VAV2: variants seen among roughly 807,000 people sequenced by gnomAD.
The protein encoded by VAV2 is guanine nucleotide exchange factor VAV2.
In VAV2, 67 loss-of-function variants were observed where a neutral mutation model predicts 132.5. The ratio of observed to expected loss-of-function variants is 0.51; its 90% CI spans 0.42 to 0.62. The LOEUF is 0.62. Among genes scored for constraint, VAV2 ranks in the 20% least tolerant of loss-of-function variants. The pLI is 0.00. For missense variants in VAV2, 938 were observed against 1,153.6 expected, an observed-to-expected ratio of 0.81 and a Z score of 2.71; for synonymous variants, 492 against 443.5, an observed-to-expected ratio of 1.11 and a Z score of -1.37.
rs981388724 is a variant in VAV2 at position 133,879,971 on chromosome 9, G to C, written c.322-18539C>G. Among the ~76,000 whole-genome samples the C allele has an allele frequency of 2.6e-5, 4 of 152,240 alleles. No individual in the cohort carries two copies. Among genetic ancestry groups the C allele is most frequent in the African/African-American group, 7.2e-5 (3 of 41,476 alleles). The stretch of plus-strand genomic sequence containing the variant: ...TATGGATTTTTCTTTTCCTGTCTAA[G>C]GGTAGGATTCAAAAATGCACTTTTC... On this transcript the variant is annotated intron_variant, in intron 2 of 29. Transcript: ENST00000371850. The surrounding 1 kb of genome is among the most constrained non-coding windows in gnomAD (Gnocchi z 4.4).
At chr9:133,766,488 C>T (rs1186578811) in intron 29 of VAV2, among the ~76,000 whole-genome samples, 1 of 152,078 alleles carries the variant, frequency 6.6e-6, no homozygotes, top group Non-Finnish European at 1.5e-5. Flanking sequence ...ATGGATGAAG[C>T]TGGAAACCAT....
intron 3 of VAV2, among the ~76,000 whole-genome samples, chr9:133,850,794 A>C (rs1837136659): frequency 6.6e-6 from 1 of 152,156 alleles, no homozygotes; most frequent in African/African-American, 2.4e-5. Context: ...GCCCAGGAGG[A>C]AGCTCACACC....
Position 133,823,303 on chromosome 9 carries a change from G to C in VAV2, c.449+10969C>G, listed in dbSNP as rs1199047771. Among the ~76,000 whole-genome samples, 4 of 152,234 alleles carry C rather than the reference G, an allele frequency of 2.6e-5. No homozygotes were observed. Among genetic ancestry groups the C allele is most frequent in the Non-Finnish European group, 5.9e-5 (4 of 68,042 alleles). On this transcript the variant is annotated intron_variant, in intron 4 of 29. Transcript: ENST00000371850. This position sits in a 1 kb window ranked among gnomAD's most constrained non-coding sequence, Gnocchi z 5.5. ...GAGACTGTCCTGCTGTCCTTTCTAA[G>C]CATCTGGTGAAGGTGAACTTCAATT...
intron 2 of VAV2, among the ~76,000 whole-genome samples, chr9:133,870,666 T>C (rs1034345733): frequency 2.0e-5 from 3 of 151,882 alleles, no homozygotes; most frequent in African/African-American, 7.3e-5. Flanking sequence ...GTCTATGACA[T>C]AGATGGATAA....
Position 133,918,282 on chromosome 9 carries a change from G to A in VAV2, c.321+20821C>T, listed in dbSNP as rs1020099917. On this transcript the variant is annotated intron_variant, in intron 2 of 29. Coordinates refer to ENST00000371850, the MANE Select transcript of VAV2 (RefSeq NM_001134398.2). This position sits in a 1 kb window ranked among gnomAD's most constrained non-coding sequence, Gnocchi z 4.7. ...TTAAACAAAGGAGCGCACTCTCTGC[G>A]GCGGCAGAAAAGCGAACCAGAGAGC... Among the ~76,000 whole-genome samples, 10 of 152,144 alleles carry A rather than the reference G, an allele frequency of 6.6e-5. No individual in the cohort carries two copies. The highest frequency in any genetic ancestry group is 4.6e-4 in the Admixed American group (7 of 15,280).
In VAV2 at chr9:133,992,227, G is replaced by A. The variant is rs763889584; in HGVS notation, c.52C>T (p.Pro18Ser). 1.9e-6 allele frequency: 3 copies of A among 1,589,740 alleles called. No homozygotes were observed. Among genetic ancestry groups the A allele is most frequent in the Admixed American group, 1.7e-5 (1 of 57,528 alleles). The change falls in exon 1 of 30, where the codon CCG becomes TCG. Residue 18 changes from proline to serine, a missense_variant. By Grantham distance (74) the Pro-to-Ser change is moderately conservative. Coordinates refer to ENST00000371850, the MANE Select transcript of VAV2 (RefSeq NM_001134398.2). This position sits in a 1 kb window ranked among gnomAD's most constrained non-coding sequence, Gnocchi z 5.5. ...GRWLIDCKVL[P>S]PNHRVVWPSA... ...GGCCACACCACCCGGTGGTTGGGCG[G>A]CAGGACCTTGCAATCGATGAGCCAG...
intron 9 of VAV2, among the ~76,000 whole-genome samples, chr9:133,798,201 C>T (rs1302946347): frequency 1.3e-5 from 2 of 152,166 alleles, no homozygotes; most frequent in African/African-American, 4.8e-5. Flanking sequence ...CAGAATCTTG[C>T]CCCCAGGCCC....
At chr9:133,815,147 C>T (rs978307344) in intron 4 of VAV2, among the ~76,000 whole-genome samples, 1 of 151,978 alleles carries the variant, frequency 6.6e-6, no homozygotes, top group Admixed American at 6.6e-5. Flanking sequence ...CTTTGAAGCC[C>T]GGGTGGACCT....
intron 1 of VAV2, among the ~76,000 whole-genome samples, chr9:133,988,702 T>G (rs1842928559): frequency 6.6e-6 from 1 of 152,182 alleles, no homozygotes; most frequent in African/African-American, 2.4e-5. Flanking sequence ...GGCGAGCAGA[T>G]CATGAGGTCA....
intron 2 of VAV2, among the ~76,000 whole-genome samples, chr9:133,913,532 GC>G (rs1327805466): frequency 6.6e-6 from 1 of 152,222 alleles, no homozygotes; most frequent in Non-Finnish European, 1.5e-5. Flanking sequence ...CCGATCCTTT[GC>G]CCCATCTGCC....
intron 3 of VAV2, among the ~76,000 whole-genome samples, chr9:133,841,221 T>C (rs1269881932): frequency 6.6e-6 from 1 of 151,868 alleles, no homozygotes; most frequent in Non-Finnish European, 1.5e-5. Context: ...GACCGCTTGT[T>C]GGTGCTGATC....
chr9:133,846,095 G>A (rs1284876130), intron 3 of VAV2, among the ~76,000 whole-genome samples: 2 of 152,202 alleles, frequency 1.3e-5, no homozygotes, highest in African/African-American at 4.8e-5. Flanking sequence ...TGAAGCTCCC[G>A]ATAGCCCCAC....
Position 133,912,212 on chromosome 9 carries a change from G to C in VAV2, c.321+26891C>G, listed in dbSNP as rs553588756. 3.3e-4 allele frequency among the ~76,000 whole-genome samples: 50 copies of C among 152,294 alleles called. No homozygotes were observed. Among genetic ancestry groups the C allele is most frequent in the Non-Finnish European group, 5.1e-4 (35 of 68,024 alleles). ...CGGCCTCCAACACACGTGGGAGAAG[G>C]GCTGACAACCAGGAGTGTTTTAGTA... is the stretch of plus-strand genomic sequence containing the variant. On this transcript the variant is annotated intron_variant, in intron 2 of 29. Coordinates refer to ENST00000371850, the MANE Select transcript of VAV2 (RefSeq NM_001134398.2). The surrounding 1 kb of genome is among the most constrained non-coding windows in gnomAD (Gnocchi z 4.3).
chr9:133,852,031 TATGGATGG>T (rs778732288), intron 3 of VAV2, among the ~76,000 whole-genome samples: 506 of 147,538 alleles, frequency 3.4e-3, no homozygotes, highest in Middle Eastern at 0.016. Flanking sequence ...TGGAAGGATG[TATGGATGG>T]ATGGATGTAT....
chr9:133,806,368 G>C (rs1835143846), intron 8 of VAV2, among the ~76,000 whole-genome samples, 187 bp from the exon 9 acceptor site: 1 of 152,196 alleles, frequency 6.6e-6, no homozygotes, highest in African/African-American at 2.4e-5. Context: ...TATGGCGATG[G>C]TGCAACAGAA....
chr9:133,775,077 G>A lies in VAV2; in HGVS notation c.2019-26C>T, dbSNP rs111589855. 10,574 of 1,570,520 alleles carry A rather than the reference G, an allele frequency of 6.7e-3. 167 individuals carry two copies. Among genetic ancestry groups the A allele is most frequent in the Admixed American group, 0.051 (2,742 of 53,330 alleles). On this transcript the variant is annotated intron_variant, in intron 24 of 29. Transcript: ENST00000371850. ...CTACAGGAGGGGGCCGGGAGGAAACGAGAGCCGCAGTGAGGACAGTGTCTG... is the reference window on the plus strand; with the variant it reads ...CTACAGGAGGGGGCCGGGAGGAAACAAGAGCCGCAGTGAGGACAGTGTCTG...
chr9:133,798,952 A>G (rs1588191504), intron 9 of VAV2, among the ~76,000 whole-genome samples: 1 of 152,192 alleles, frequency 6.6e-6, no homozygotes, highest in Middle Eastern at 3.2e-3. Context: ...AGCCCAGGGC[A>G]GGCTCTTGGG....
chr9:133,931,502 G>C (rs569129371), intron 2 of VAV2, among the ~76,000 whole-genome samples: 34 of 53,432 alleles, frequency 6.4e-4, no homozygotes, highest in African/African-American at 1.6e-3. Flanking sequence ...CTTCTGCCCA[G>C]CTGCCTTCCC....
chr9:133,770,066 C>T (rs1387097991), intron 27 of VAV2, among the ~76,000 whole-genome samples: 3 of 152,224 alleles, frequency 2.0e-5, no homozygotes, highest in Non-Finnish European at 4.4e-5. Context: ...GCCCTTTTCT[C>T]TCCCACCTGT....
Sources: gnomAD v4.1 joint callset for allele counts (sites outside exome capture counted in the v4.1 genomes callset) on GRCh38, gnomAD v4.1.1 for gene constraint, Gnocchi (gnomAD v3.1) non-coding constraint, MANE v1.5 for transcripts, NCBI Gene and HGNC (gene_info 2026-07-23, HGNC 2026-07-21) for gene names.